BDH1: variants seen among roughly 807,000 people sequenced by gnomAD.
The protein encoded by BDH1 is 3-hydroxybutyrate dehydrogenase 1, also known as D-beta-hydroxybutyrate dehydrogenase, mitochondrial.
BDH1 carries 30 observed loss-of-function variants against 33.1 expected under a neutral mutation model. That is an observed-to-expected ratio of 0.91 (90% CI 0.68 to 1.23). The LOEUF is 1.23. BDH1 is among the 50% of genes most tolerant of loss of function. BDH1 has a pLI of 0.00. For synonymous variants in BDH1, 190 were observed against 183.6 expected (o/e 1.03, Z -0.28); for missense variants, 443 against 464.4 (o/e 0.95, Z 0.42).
chr3:197,563,048 T>C (rs1366550626), intron 1 of BDH1, among the ~76,000 whole-genome samples: 1 of 152,196 alleles, frequency 6.6e-6, no homozygotes, highest in Admixed American at 6.5e-5. Context: ...TTTTTGGGTT[T>C]TTCTTGCAAG....
chr3:197,537,978 C>A (rs938929182), intron 3 of BDH1, among the ~76,000 whole-genome samples: 4 of 152,180 alleles, frequency 2.6e-5, no homozygotes, highest in African/African-American at 9.7e-5. Context: ...AAGTCTGGGA[C>A]ATAAGAAACA....
rs1711960312 is a variant in BDH1 at position 197,510,958 on chromosome 3, A to G, written c.*937T>C. On this transcript the variant is annotated 3_prime_UTR_variant, in exon 8 of 8. Coordinates refer to ENST00000392379, the MANE Select transcript of BDH1 (RefSeq NM_203314.3). The stretch of plus-strand genomic sequence containing the variant: ...GAGGATGGAAAAATCTCAAGTAAAA[A>G]TCTCATGCCTGTAATCCCAGCACTT... The G allele has an allele frequency of 6.6e-6, 1 of 152,024 alleles. No homozygotes were observed. The highest frequency in any genetic ancestry group is 2.4e-5 in the African/African-American group (1 of 41,320). The allele number at this position is 152,024 out of a possible 1,614,324, so 9.4% of individuals were successfully genotyped here.
At chr3:197,561,063 A>T (rs1008883013) in intron 1 of BDH1, among the ~76,000 whole-genome samples, 5 of 152,200 alleles carry the variant, frequency 3.3e-5, no homozygotes, top group African/African-American at 1.2e-4. Context: ...GCTGTGTCAC[A>T]GGTGTGCATC....
At chr3:197,534,562 G>A (rs1396815419) in intron 3 of BDH1, among the ~76,000 whole-genome samples, 9 of 152,272 alleles carry the variant, frequency 5.9e-5, no homozygotes, top group African/African-American at 7.2e-5. Context: ...TTGCGCAAAC[G>A]TTGAGTTTTC....
Position 197,532,494 on chromosome 3 carries a change from C to A in BDH1, c.185G>T (p.Gly62Val), listed in dbSNP as rs1302954609. 1 of 1,614,146 alleles carries A rather than the reference C, an allele frequency of 6.2e-7. No individual in the cohort carries two copies. The highest frequency in any genetic ancestry group is 1.1e-5 in the South Asian group (1 of 91,080). ...TGAGAACCCAAATCCAGAGTCACAGCCTGTGACCAGGACAGCTTTGCTGCC... is the reference window on the plus strand; with the variant it reads ...TGAGAACCCAAATCCAGAGTCACAGACTGTGACCAGGACAGCTTTGCTGCC... ...PVGSKAVLVT[G>V]CDSGFGFSLA... The change falls in exon 5 of 8, where the codon GGC becomes GTC. Residue 62 changes from glycine (G) to valine (V), a missense_variant. Physicochemically the swap from Gly to Val is moderately radical, Grantham distance 109. Coordinates refer to ENST00000392379, the MANE Select transcript of BDH1 (RefSeq NM_203314.3).
At chr3:197,570,332 A>AT (rs1717566901) in intron 1 of BDH1, among the ~76,000 whole-genome samples, 1 of 152,236 alleles carries the variant, frequency 6.6e-6, no homozygotes, top group African/African-American at 2.4e-5. Context: ...AGAAAAACGC[A>AT]TTTTCTGAGG....
intron 1 of BDH1, among the ~76,000 whole-genome samples, chr3:197,569,454 T>C (rs1294531734): frequency 6.6e-6 from 1 of 152,228 alleles, no homozygotes; most frequent in Non-Finnish European, 1.5e-5. Context: ...ATTATATTGA[T>C]ATGTTTTGGC....
chr3:197,512,030 G>A lies in BDH1; in HGVS notation c.897C>T (p.Ile299=), dbSNP rs116643903. ...CGGTCAGGGCGTGTGTGACAGCATC[G>A]ATGACAGGGGACGTGTCTGTGGAGC... ...SSGSTDTSPV[I]DAVTHALTAT... The change falls in exon 8 of 8, where the codon ATC becomes ATT. Residue 299 remains isoleucine, a synonymous_variant. Coordinates refer to ENST00000392379, the MANE Select transcript of BDH1 (RefSeq NM_203314.3). 182 of 1,614,200 alleles carry A rather than the reference G, an allele frequency of 1.1e-4. No homozygotes were observed. Among genetic ancestry groups the A allele is most frequent in the Non-Finnish European group, 1.5e-4 (176 of 1,180,034 alleles).
Position 197,514,247 on chromosome 3 carries a change from C to A in BDH1, c.562+17G>T. The stretch of plus-strand genomic sequence containing the variant: ...GGGCAGGTTCAGGGGCAGGAGGGAG[C>A]TCCCTTTCCCACTCACCTTTGGCCC... On this transcript the variant is annotated intron_variant, in intron 7 of 7. Coordinates refer to ENST00000392379, the MANE Select transcript of BDH1 (RefSeq NM_203314.3). The surrounding 1 kb of genome is among the most constrained non-coding windows in gnomAD (Gnocchi z 4.2). The A allele has an allele frequency of 6.2e-7, 1 of 1,603,558 alleles. No homozygotes were observed. Among genetic ancestry groups the A allele is most frequent in the Non-Finnish European group, 8.5e-7 (1 of 1,173,342 alleles).
At chr3:197,532,313 G>T in intron 5 of BDH1, 99 bp downstream of exon 5, 1 of 981,864 alleles carries the variant, frequency 1.0e-6, no homozygotes, top group Non-Finnish European at 1.6e-6. Flanking sequence ...GCTGGTTTAA[G>T]CAAAGGTGAG....
chr3:197,551,177 T>C (rs2108763976), intron 2 of BDH1, among the ~76,000 whole-genome samples: 1 of 152,328 alleles, frequency 6.6e-6, no homozygotes, highest in Admixed American at 6.5e-5. Context: ...CTTTAACTTT[T>C]TGGTACCCAT....
Position 197,510,643 on chromosome 3 carries a change from T to TGTGTGTGTGTGTGG in BDH1, c.*1251_*1252insCCACACACACACAC, listed in dbSNP as rs1560296466. ...GTGTGTGTGTGTGTGTGTGTGTGTG[T>TGTGTGTGTGTGTGG]GTGTGTGTGTGTGTGTGTGTGTGTG... On this transcript the variant is annotated 3_prime_UTR_variant, in exon 8 of 8. Transcript: ENST00000392379. 1.7e-5 allele frequency: 1 copy of TGTGTGTGTGTGTGG among 58,036 alleles called. No homozygotes were observed. The highest frequency in any genetic ancestry group is 7.3e-5 in the African/African-American group (1 of 13,636). The allele number at this position is 58,036 out of a possible 1,614,324, so 3.6% of individuals were successfully genotyped here.
At chr3:197,570,878 C>T (rs1486460614) in intron 1 of BDH1, among the ~76,000 whole-genome samples, 2 of 152,218 alleles carry the variant, frequency 1.3e-5, no homozygotes, top group Admixed American at 6.5e-5. Context: ...GGAGGGCCAC[C>T]GTCCTCCAGC....
intron 3 of BDH1, among the ~76,000 whole-genome samples, chr3:197,541,321 A>T (rs147970983): frequency 6.8e-4 from 103 of 152,346 alleles, no homozygotes; most frequent in Non-Finnish European, 5.6e-4. Flanking sequence ...CTGGGGGAAG[A>T]ACTGGTTCAT....
In BDH1 at chr3:197,510,684, GGTGTGT is replaced by G. The variant is rs57389278; in HGVS notation, c.*1205_*1210del. The G allele has an allele frequency of 0.031, 1,833 of 58,710 alleles. 79 individuals carry two copies. The highest frequency in any genetic ancestry group is 0.043 in the Non-Finnish European group (1,302 of 30,102). 3.6% of individuals were successfully genotyped at this position (58,710 alleles called of 1,614,324 possible). A position where few individuals can be genotyped will look rare whatever the true frequency, so the allele number is the denominator to read the frequency against. On this transcript the variant is annotated 3_prime_UTR_variant, in exon 8 of 8. Coordinates refer to ENST00000392379, the MANE Select transcript of BDH1 (RefSeq NM_203314.3). ...TGTGTGTGTGTGTACATGTGTGTAA[GGTGTGT>G]GTGTGTGTGTGTGTGTGTGTGTGTG...
chr3:197,544,918 C>T (rs1029846053), intron 3 of BDH1, among the ~76,000 whole-genome samples: 11 of 152,194 alleles, frequency 7.2e-5, no homozygotes. Context: ...TGTGGTGGCA[C>T]ATGCCTGTAG....
chr3:197,540,274 G>A (rs925278416), intron 3 of BDH1, among the ~76,000 whole-genome samples: 13 of 151,278 alleles, frequency 8.6e-5, no homozygotes, highest in Non-Finnish European at 1.8e-4. Context: ...GGCTGGTCTC[G>A]AACTCCTGGC....
At chr3:197,515,826 C>G in intron 6 of BDH1, 1 of 645,930 alleles carries the variant, frequency 1.5e-6, no homozygotes, top group Non-Finnish European at 1.9e-6. Context: ...ATCTCTTGAA[C>G]CCAGGAGGCA....
In BDH1 at chr3:197,546,391, AGGGTTTTTCCT is replaced by A; in HGVS notation, c.42_52del (p.Gly15LysfsTer4). On this transcript the variant is annotated frameshift_variant, in exon 3 of 8. Coordinates refer to ENST00000392379, the MANE Select transcript of BDH1 (RefSeq NM_203314.3). LOFTEE classifies it high-confidence loss of function. ...TCCATTTTCTCTATCACAGGCACTT[AGGGTTTTTCCT>A]GGGAGCCGTGACAGGGGTCTGGAGA... 1 of 1,614,076 alleles carries A rather than the reference AGGGTTTTTCCT, an allele frequency of 6.2e-7. No homozygotes were observed. Among genetic ancestry groups the A allele is most frequent in the Non-Finnish European group, 8.5e-7 (1 of 1,179,990 alleles).
Sources: allele counts gnomAD v4.1 joint callset (sites outside exome capture counted in the v4.1 genomes callset), GRCh38; gene constraint gnomAD v4.1.1; non-coding constraint Gnocchi (gnomAD v3.1); transcripts MANE v1.5; gene names NCBI Gene and HGNC (gene_info 2026-07-23, HGNC 2026-07-21).